The following KLHL15 variants were observed in gnomAD, a reference collection of about 807,000 sequenced individuals.
KLHL15 encodes kelch like family member 15.
In KLHL15, 1 loss-of-function variant was observed where a neutral mutation model predicts 29.3. The ratio of observed to expected loss-of-function variants is 0.03; its 90% CI spans 0.01 to 0.16. The LOEUF is 0.16. KLHL15 is among the 10% of genes least tolerant of loss of function. KLHL15 has a pLI of 1.00. For missense variants in KLHL15, 215 were observed against 478.5 expected (o/e 0.45, Z 5.14); for synonymous variants, 212 against 184.5 (o/e 1.15, Z -1.21).
chrX:24,015,362 A>G, intron 2 of KLHL15, among the ~76,000 whole-genome samples: 1 of 112,610 alleles, frequency 8.9e-6, no homozygotes, highest in Non-Finnish European at 1.9e-5. Context: ...AGTCTCAGCA[A>G]CGCATTTGTG....
intron 2 of KLHL15, among the ~76,000 whole-genome samples, chrX:24,011,341 T>TAA (rs565354614): frequency 3.7e-4 from 31 of 83,941 alleles, no homozygotes; most frequent in African/African-American, 1.1e-3. Context: ...CACTGTCTCT[T>TAA]AAAAAAAAAA....
intron 2 of KLHL15, among the ~76,000 whole-genome samples, chrX:24,010,070 T>C (rs149876543): frequency 0.01 from 1,105 of 108,096 alleles, 19 homozygotes; most frequent in African/African-American, 0.035. Flanking sequence ...AGATCAGCCA[T>C]CCAAAAACTG....
chrX:24,008,871 G>GAAAAAAAAAAAAAA (rs58975658), intron 2 of KLHL15, among the ~76,000 whole-genome samples: 1 of 74,563 alleles, frequency 1.3e-5, no homozygotes, highest in African/African-American at 5.2e-5. Flanking sequence ...ACGCGTGTTA[G>GAAAAAAAAAAAAAA]AAAAAAAAAA....
intron 2 of KLHL15, among the ~76,000 whole-genome samples, chrX:24,009,428 G>A (rs1289515733): frequency 1.6e-4 from 18 of 110,708 alleles, no homozygotes; most frequent in African/African-American, 3.0e-4. Context: ...AACCCGGGAG[G>A]CGGAGGTTGC....
rs190146107 is a variant in KLHL15, at chrX:24,008,551, T to C, written c.-7-1851A>G. Among the ~76,000 whole-genome samples the C allele has an allele frequency of 7.1e-5, 8 of 112,044 alleles. No individual in the cohort carries two copies. The Admixed American group carries it at 7.6e-4, about 11-fold the overall frequency. On this transcript the variant is annotated intron_variant, in intron 2 of 3. Transcript: ENST00000328046. Reference sequence around the variant, plus strand: ...ACTGCGCCTGGCCACTAATTCAGTCTACTGGGTTATTTATGAAGCAAATTA... The same window carrying C: ...ACTGCGCCTGGCCACTAATTCAGTCCACTGGGTTATTTATGAAGCAAATTA...
intron 3 of KLHL15, among the ~76,000 whole-genome samples, chrX:24,003,785 G>C (rs1184081474): frequency 9.3e-6 from 1 of 107,016 alleles, no homozygotes; most frequent in Non-Finnish European, 1.9e-5. Flanking sequence ...AGAATACTTA[G>C]TACAAAAATT....
chrX:24,025,426 G>A (rs1251964030), intron 1 of KLHL15, among the ~76,000 whole-genome samples: 1 of 105,843 alleles, frequency 9.4e-6, no homozygotes, highest in Non-Finnish European at 2.0e-5. Context: ...CGGGCCGCGG[G>A]AGCCGCCCGG....
intron 2 of KLHL15, among the ~76,000 whole-genome samples, chrX:24,018,751 T>C (rs748726829): frequency 5.4e-4 from 60 of 111,579 alleles, no homozygotes; most frequent in African/African-American, 1.9e-3. Context: ...TCCGTGATCC[T>C]AGCACCTTGG....
chrX:23,988,362 G>T lies in KLHL15; in HGVS notation c.1374C>A (p.Thr458=). ...AGTTGGTAACCACTTGAGTTCTCCTGGTCCGTTGTTCTATGGTCCCTTCTT... is the reference window on the plus strand; with the variant it reads ...AGTTGGTAACCACTTGAGTTCTCCTTGTCCGTTGTTCTATGGTCCCTTCTT... ...PSKEGTIEQR[T]RRTQVVTNCW... is the part of the protein sequence containing the mutation. The change falls in exon 4 of 4, where the codon ACC becomes ACA. Residue 458 remains threonine (T), a synonymous_variant. Coordinates refer to ENST00000328046, the MANE Select transcript of KLHL15 (RefSeq NM_030624.3). 8.3e-7 allele frequency: 1 copy of T among 1,211,334 alleles called. No homozygotes were observed. Among genetic ancestry groups the T allele is most frequent in the Non-Finnish European group, 1.1e-6 (1 of 895,272 alleles).
chrX:24,000,921 C>G (rs905867745), intron 3 of KLHL15, among the ~76,000 whole-genome samples: 1 of 112,212 alleles, frequency 8.9e-6, no homozygotes, highest in Non-Finnish European at 1.9e-5. Context: ...CAATAAATGT[C>G]CCCCATTTTA....
intron 2 of KLHL15, among the ~76,000 whole-genome samples, chrX:24,019,302 C>T (rs1043880546): frequency 8.9e-6 from 1 of 111,828 alleles, no homozygotes; most frequent in Non-Finnish European, 1.9e-5. Context: ...TCTCACTCTG[C>T]ACCCAGGCTG....
Position 24,006,591 on chromosome X carries a change from G to A in KLHL15, c.103C>T (p.Leu35=). The A allele has an allele frequency of 8.3e-7, 1 of 1,210,835 alleles. No individual in the cohort carries two copies. The highest frequency in any genetic ancestry group is 3.0e-5 in the East Asian group (1 of 33,841). Residue 35 remains leucine, a synonymous_variant, in exon 3 of 4, where the codon CTG becomes TTG. Transcript: ENST00000328046. ...YEEGLLLDVT[L]VIEDHQFQAH... ...TGGAACTGATGATCTTCAATAACCA[G>A]AGTGACATCAAGAAGCAATCCCTCC...
At chrX:24,012,940 A>C (rs375825913) in intron 2 of KLHL15, among the ~76,000 whole-genome samples, 1 of 111,897 alleles carries the variant, frequency 8.9e-6, no homozygotes, top group South Asian at 3.7e-4. Context: ...CCATTAATCG[A>C]AAGCTATATC....
chrX:23,991,050 A>G (rs968752141), intron 3 of KLHL15, among the ~76,000 whole-genome samples: 4 of 110,333 alleles, frequency 3.6e-5, no homozygotes, highest in African/African-American at 9.9e-5. Context: ...GTCCAACTAC[A>G]TAAGAGAGAA....
chrX:24,023,127 A>G (rs765948576), intron 2 of KLHL15, among the ~76,000 whole-genome samples: 6 of 111,570 alleles, frequency 5.4e-5, no homozygotes, highest in Non-Finnish European at 7.5e-5. Context: ...TCACCCTTAT[A>G]CTGTACAATC....
rs1007541087 is a variant in KLHL15, at chrX:24,006,390, G to C, written c.304C>G (p.His102Asp). The C allele has an allele frequency of 8.3e-7, 1 of 1,209,884 alleles. No individual in the cohort carries two copies. Among genetic ancestry groups the C allele is most frequent in the Non-Finnish European group, 1.1e-6 (1 of 895,018 alleles). The change falls in exon 3 of 4, where the codon CAT (histidine) becomes GAT (aspartate). Residue 102 changes from histidine (H) to aspartate (D), a missense_variant. Physicochemically the swap from His to Asp is moderately conservative, Grantham distance 81 (BLOSUM62 -1). Coordinates refer to ENST00000328046, the MANE Select transcript of KLHL15 (RefSeq NM_030624.3). ...TACATGGCAGCCTGAAGAATCTCATGAACGGTATTCATACTCAGCTCTATA... is the reference window on the plus strand; with the variant it reads ...TACATGGCAGCCTGAAGAATCTCATCAACGGTATTCATACTCAGCTCTATA... ...GTIELSMNTV[H>D]EILQAAMYVQ...
In KLHL15 at chrX:23,988,824, T is replaced by C; in HGVS notation, c.912A>G (p.Pro304=). ...GGCCTTCTAGCTCCCACCAGACTCT[T>C]GGTTTCTTTAAGAGAAGTATTTTAC... ...VNSKILLLKK[P]RVWWELEGPQ... The change falls in exon 4 of 4, where the codon CCA becomes CCG. Residue 304 remains proline, a synonymous_variant. Coordinates refer to ENST00000328046, the MANE Select transcript of KLHL15 (RefSeq NM_030624.3). 1.7e-6 allele frequency: 2 copies of C among 1,211,642 alleles called. No homozygotes were observed. The highest frequency in any genetic ancestry group is 1.8e-5 in the South Asian group (1 of 56,957).
chrX:23,991,700 C>T (rs891728619), intron 3 of KLHL15, among the ~76,000 whole-genome samples: 17 of 110,380 alleles, frequency 1.5e-4, no homozygotes, highest in Middle Eastern at 9.4e-3. Context: ...ATTAGCCAGG[C>T]GTGGCAGTGC....
At chrX:23,989,144 T>C in intron 3 of KLHL15, 114 bp from the exon 4 acceptor site, 6 of 588,062 alleles carry the variant, frequency 1.0e-5, no homozygotes, top group Non-Finnish European at 1.5e-5. Flanking sequence ...CTGCTTTTCC[T>C]GCTAAGATCA....
Sources: allele counts gnomAD v4.1 joint callset (sites outside exome capture counted in the v4.1 genomes callset), GRCh38; gene constraint gnomAD v4.1.1; transcripts MANE v1.5; gene names NCBI Gene and HGNC (gene_info 2026-07-23, HGNC 2026-07-21).